Variants in NYAP2 observed in about 807,000 individuals in gnomAD.
NYAP2 encodes neuronal tyrosine-phosphorylated phosphoinositide-3-kinase adapter 2.
Under a neutral mutation model 50.4 loss-of-function variants are expected in NYAP2, and 23 were observed. The ratio of observed to expected loss-of-function variants is 0.46; its 90% CI spans 0.33 to 0.65. NYAP2 has a LOEUF of 0.65. Ranked by LOEUF, NYAP2 falls within the 30% of genes least tolerant of loss-of-function variation. The pLI is 0.02. For synonymous variants in NYAP2, 394 were observed against 365.2 expected (o/e 1.08, Z -0.90); for missense variants, 885 against 861.0 (o/e 1.03, Z -0.35).
chr2:225,673,812 A>C, the NYAP2 span, among the ~76,000 whole-genome samples: 2 of 152,150 alleles, frequency 1.3e-5, no homozygotes, highest in African/African-American at 4.8e-5. Flanking sequence ...TGACTCCAGG[A>C]ATAGTACCTC....
At chr2:225,425,559 A>C (rs955189163) in intron 3 of NYAP2, among the ~76,000 whole-genome samples, 1 of 152,198 alleles carries the variant, frequency 6.6e-6, no homozygotes, top group African/African-American at 2.4e-5. Context: ...TGGGAAACTT[A>C]ATGTGAAGGG....
At chr2:225,653,502 T>G (rs1204113163) in exon 7 of NYAP2, 1 of 152,228 alleles carries the variant, frequency 6.6e-6, no homozygotes, top group African/African-American at 2.4e-5. Flanking sequence ...CGCCTTTATA[T>G]GCTGTTAGTT....
At chr2:225,607,406 C>A (rs1393021905) in intron 5 of NYAP2, among the ~76,000 whole-genome samples, 1 of 152,104 alleles carries the variant, frequency 6.6e-6, no homozygotes, top group Non-Finnish European at 1.5e-5. Context: ...ACCAATCTAA[C>A]ATGACATATG....
chr2:225,441,636 A>T (rs772548061), intron 3 of NYAP2, among the ~76,000 whole-genome samples: 5 of 152,192 alleles, frequency 3.3e-5, no homozygotes, highest in Middle Eastern at 3.2e-3. Flanking sequence ...GAGAGTGTGC[A>T]GGGGAATCTG....
intron 4 of NYAP2, among the ~76,000 whole-genome samples, chr2:225,520,197 A>G (rs1029644810): frequency 7.2e-5 from 11 of 152,162 alleles, no homozygotes; most frequent in African/African-American, 1.4e-4. Context: ...AGTAGGTTGC[A>G]AAAATTTTCT....
At chr2:225,496,815 T>C (rs1168394762) in intron 3 of NYAP2, among the ~76,000 whole-genome samples, 1 of 152,192 alleles carries the variant, frequency 6.6e-6, no homozygotes, top group Non-Finnish European at 1.5e-5. Flanking sequence ...TATATCTTTA[T>C]TGTACAGTAC....
At position 225,446,216 on chromosome 2, in the gene NYAP2, G is replaced by GTCTGTCTC. The variant is rs1422980177; in HGVS notation, c.221+37118_221+37119insGTCTCTCT. Among the ~76,000 whole-genome samples the GTCTGTCTC allele has an allele frequency of 1.4e-3, 99 of 69,490 alleles. 1 individual carries two copies. The highest frequency in any genetic ancestry group is 2.3e-3 in the Non-Finnish European group (68 of 29,752). The allele number at this position is 69,490 out of a possible 152,430, so 45.6% of individuals were successfully genotyped here. A position where few individuals can be genotyped will look rare whatever the true frequency, so the allele number is the denominator to read the frequency against. ...TGTCTGTCTGTCTGTCTGTCTGTCTGTCTCTCTCTCTCTCTCTCTCTCTCT... is the reference window on the plus strand; with the variant it reads ...TGTCTGTCTGTCTGTCTGTCTGTCTGTCTGTCTCTCTCTCTCTCTCTCTCTCTCTCTCT... On this transcript the variant is annotated intron_variant, in intron 3 of 6. Coordinates refer to ENST00000636099, the Ensembl canonical transcript of NYAP2.
At chr2:225,673,615 C>CA in the NYAP2 span, among the ~76,000 whole-genome samples, 1 of 152,062 alleles carries the variant, frequency 6.6e-6, no homozygotes, top group Admixed American at 6.6e-5. Context: ...TTTCTTTAGG[C>CA]AGTGATGGGT....
At chr2:225,544,245 C>T (rs1433525605) in intron 4 of NYAP2, among the ~76,000 whole-genome samples, 1 of 151,010 alleles carries the variant, frequency 6.6e-6, no homozygotes. Flanking sequence ...TCCATTGAGC[C>T]ACTCTGTGTT....
chr2:225,513,187 A>T (rs185215196), intron 3 of NYAP2, among the ~76,000 whole-genome samples, 184 bp from the exon 4 acceptor site: 2 of 152,332 alleles, frequency 1.3e-5, no homozygotes, highest in African/African-American at 4.8e-5. Context: ...CCTTTGGGGA[A>T]AACAAAATTT....
chr2:225,524,733 A>G (rs1453869779), intron 4 of NYAP2, among the ~76,000 whole-genome samples: 1 of 152,200 alleles, frequency 6.6e-6, no homozygotes. Context: ...CAACAAAAAC[A>G]AAACTAGACA....
chr2:225,696,263 C>T, the NYAP2 span, among the ~76,000 whole-genome samples: 6 of 151,856 alleles, frequency 4.0e-5, no homozygotes, highest in Non-Finnish European at 8.8e-5. Context: ...TTTGTAATTG[C>T]AGCAGGTAGA....
chr2:225,418,336 A>C (rs539093932), intron 3 of NYAP2, among the ~76,000 whole-genome samples: 54 of 152,248 alleles, frequency 3.5e-4, no homozygotes, highest in African/African-American at 1.2e-3. Flanking sequence ...CATGGAGGTT[A>C]CTGTCAGGAA....
intron 4 of NYAP2, among the ~76,000 whole-genome samples, chr2:225,563,856 T>C (rs914917297): frequency 1.3e-5 from 2 of 152,064 alleles, no homozygotes; most frequent in Non-Finnish European, 2.9e-5. Flanking sequence ...AATTTTTAGG[T>C]TAATATCCCA....
At chr2:225,540,933 A>G (rs1343897813) in intron 4 of NYAP2, among the ~76,000 whole-genome samples, 1 of 152,132 alleles carries the variant, frequency 6.6e-6, no homozygotes, top group Non-Finnish European at 1.5e-5. Flanking sequence ...TTTTTTCCAT[A>G]TCCACGCCAG....
chr2:225,439,127 G>A (rs1689430638), intron 3 of NYAP2, among the ~76,000 whole-genome samples: 1 of 152,158 alleles, frequency 6.6e-6, no homozygotes, highest in Non-Finnish European at 1.5e-5. Context: ...CCAGGATCTT[G>A]GGTTAGGCTA....
chr2:225,687,146 A>G, the NYAP2 span, among the ~76,000 whole-genome samples: 3 of 152,172 alleles, frequency 2.0e-5, no homozygotes, highest in African/African-American at 7.2e-5. Flanking sequence ...TCTGTCTTCT[A>G]TTAGGCATGT....
intron 3 of NYAP2, among the ~76,000 whole-genome samples, chr2:225,428,195 TA>T (rs1695313772): frequency 6.6e-6 from 1 of 152,234 alleles, no homozygotes; most frequent in Non-Finnish European, 1.5e-5. Flanking sequence ...CAATGAAGTT[TA>T]TTGTCATTTA....
chr2:225,458,974 C>A (rs1183735942), intron 3 of NYAP2, among the ~76,000 whole-genome samples: 1 of 152,282 alleles, frequency 6.6e-6, no homozygotes, highest in East Asian at 1.9e-4. Context: ...CTTTCAGTTC[C>A]ACAACCTCAT....
Sources: allele counts gnomAD v4.1 joint callset (sites outside exome capture counted in the v4.1 genomes callset), GRCh38; gene constraint gnomAD v4.1.1; transcripts MANE v1.5; gene names NCBI Gene and HGNC (gene_info 2026-07-23, HGNC 2026-07-21).